Variants in ADD3 observed in about 807,000 individuals in gnomAD.
ADD3 encodes gamma-adducin.
ADD3 carries 25 observed loss-of-function variants against 80.2 expected under a neutral mutation model. That is an observed-to-expected ratio of 0.31 (90% CI 0.23 to 0.44). The LOEUF (loss-of-function observed/expected upper bound fraction) is 0.44, where lower values mean the gene tolerates loss of function less well. Ranked by LOEUF, ADD3 falls within the 20% of genes least tolerant of loss-of-function variation. ADD3 has a pLI of 1.00. For synonymous variants in ADD3, 284 were observed against 289.6 expected (o/e 0.98, Z 0.20); for missense variants, 829 against 847.5 (o/e 0.98, Z 0.27).
chr10:110,015,811 G>C (rs191704376), intron 1 of ADD3, among the ~76,000 whole-genome samples: 33 of 152,184 alleles, frequency 2.2e-4, no homozygotes, highest in African/African-American at 7.9e-4. Flanking sequence ...CTTTGCCATA[G>C]CTAAATACCT....
chr10:110,134,330 CA>C lies in ADD3; in HGVS notation c.*729del, dbSNP rs34106955. 82,179 of 137,332 alleles carry C rather than the reference CA, an allele frequency of 0.6. 25,695 individuals carry two copies. The highest frequency in any genetic ancestry group is 0.85 in the African/African-American group (32,581 of 38,424). 8.5% of individuals were successfully genotyped at this position (137,332 alleles called of 1,614,324 possible). ...CATGGGTTATTTAGTTTAACTCTGGCAAAAAAAAAAAAAAAAATTTTGTATG... is the reference window on the plus strand; with the variant it reads ...CATGGGTTATTTAGTTTAACTCTGGCAAAAAAAAAAAAAAAATTTTGTATG... On this transcript the variant is annotated 3_prime_UTR_variant, in exon 15 of 15. Coordinates refer to ENST00000356080, the MANE Select transcript of ADD3 (RefSeq NM_016824.5).
intron 2 of ADD3, among the ~76,000 whole-genome samples, chr10:110,102,526 G>A (rs999738278): frequency 6.6e-6 from 1 of 152,168 alleles, no homozygotes; most frequent in Non-Finnish European, 1.5e-5. Flanking sequence ...AGGATTACTT[G>A]AGCCCAGTAG....
chr10:110,121,930 T>C (rs1851553191), intron 8 of ADD3, 180 bp from the exon 9 acceptor site: 5 of 467,350 alleles, frequency 1.1e-5, no homozygotes, highest in Non-Finnish European at 1.8e-5. Flanking sequence ...CTTTTTCAGA[T>C]AGGTGGAAAA....
chr10:110,111,978 C>G (rs1020981008), intron 2 of ADD3, among the ~76,000 whole-genome samples: 8 of 152,086 alleles, frequency 5.3e-5, no homozygotes, highest in African/African-American at 1.4e-4. Context: ...GAACTCAACT[C>G]TTATTAATTT....
chr10:110,123,305 A>G (rs753845058), intron 9 of ADD3, among the ~76,000 whole-genome samples: 4 of 152,194 alleles, frequency 2.6e-5, no homozygotes, highest in Non-Finnish European at 5.9e-5. Flanking sequence ...TGTTTTCCAC[A>G]ATGGCTATAC....
chr10:110,082,224 T>C (rs940550655), intron 1 of ADD3, among the ~76,000 whole-genome samples: 1 of 135,516 alleles, frequency 7.4e-6, no homozygotes, highest in Non-Finnish European at 1.5e-5. Flanking sequence ...TTGCTTTGTT[T>C]TGAGTATCAC....
chr10:110,132,656 G>A (rs1040087771), intron 14 of ADD3: 9 of 381,572 alleles, frequency 2.4e-5, no homozygotes, highest in South Asian at 1.1e-4. Context: ...GGCTGGGCGC[G>A]GTGGCTCACA....
chr10:110,026,663 G>C (rs538759547), intron 1 of ADD3, among the ~76,000 whole-genome samples: 1 of 152,094 alleles, frequency 6.6e-6, no homozygotes, highest in African/African-American at 2.4e-5. Flanking sequence ...GTTTTACATT[G>C]GTTTAAACTG....
intron 1 of ADD3, among the ~76,000 whole-genome samples, chr10:110,031,142 C>A (rs905898743): frequency 1.3e-5 from 2 of 152,166 alleles, no homozygotes; most frequent in Admixed American, 6.5e-5. Context: ...GGCGTTGTGG[C>A]GCATGCCTGT....
intron 1 of ADD3, among the ~76,000 whole-genome samples, chr10:110,000,185 G>T (rs1164619714): frequency 6.6e-6 from 1 of 152,198 alleles, no homozygotes; most frequent in Non-Finnish European, 1.5e-5. Context: ...CTCCCAAAGT[G>T]TTGGGATTAT....
chr10:110,128,679 A>G (rs1852516805), intron 12 of ADD3, among the ~76,000 whole-genome samples: 1 of 152,228 alleles, frequency 6.6e-6, no homozygotes, highest in Non-Finnish European at 1.5e-5. Context: ...GGCCTCCCAA[A>G]GTGCTGGGAT....
intron 1 of ADD3, among the ~76,000 whole-genome samples, chr10:110,027,743 A>G (rs1054069153): frequency 6.6e-6 from 1 of 152,282 alleles, no homozygotes; most frequent in East Asian, 1.9e-4. Context: ...ATTTCTTTGT[A>G]TGCTCCCTCT....
intron 1 of ADD3, among the ~76,000 whole-genome samples, chr10:110,045,042 G>A (rs190903051): frequency 9.9e-5 from 15 of 152,246 alleles, no homozygotes; most frequent in East Asian, 3.9e-4. Flanking sequence ...ATACTTTTCC[G>A]AAACACTGGG....
chr10:110,100,692 T>A lies in ADD3; in HGVS notation c.39T>A (p.Pro13=). ...SDASQGVITT[P]PPPSMPHKER... is the part of the protein sequence containing the mutation. ...CCAGCCAAGGCGTGATTACCACTCC[T>A]CCTCCTCCCAGCATGCCTCACAAAG... Residue 13 remains proline, a synonymous_variant, in exon 2 of 15, where the codon CCT becomes CCA. Transcript: ENST00000356080. The A allele has an allele frequency of 6.2e-7, 1 of 1,613,104 alleles. No individual in the cohort carries two copies. The highest frequency in any genetic ancestry group is 8.5e-7 in the Non-Finnish European group (1 of 1,179,616).
In ADD3 at chr10:110,118,519, T is replaced by C. The variant is rs533575752; in HGVS notation, c.568-68T>C. ...TACAAAAAGGTTTGCTACCCCCTGG[T>C]TTAGCTTGTGAAACACAAACTTTGA... On this transcript the variant is annotated intron_variant, in intron 5 of 14. Coordinates refer to ENST00000356080, the MANE Select transcript of ADD3 (RefSeq NM_016824.5). The C allele has an allele frequency of 8.4e-6, 12 of 1,429,050 alleles. No homozygotes were observed. The East Asian group carries it at 2.8e-4, about 33-fold the overall frequency. The allele number at this position is 1,429,050 out of a possible 1,614,324, so 88.5% of individuals were successfully genotyped here.
At chr10:110,113,340 T>C (rs906993016) in intron 3 of ADD3, among the ~76,000 whole-genome samples, 2 of 152,216 alleles carry the variant, frequency 1.3e-5, no homozygotes, top group African/African-American at 4.8e-5. Flanking sequence ...CGATCTCGGC[T>C]CACTGCAACC....
intron 1 of ADD3, among the ~76,000 whole-genome samples, chr10:110,060,522 G>GAATCAAATGCTTGCTCTGTGTTCT (rs1244534184): frequency 6.6e-6 from 1 of 152,186 alleles, no homozygotes. Flanking sequence ...TCTTTATAAA[G>GAATCAAATGCTTGCTCTGTGTTCT]AATCAAATGC....
chr10:110,027,080 A>C (rs1034134963), intron 1 of ADD3, among the ~76,000 whole-genome samples: 1 of 152,234 alleles, frequency 6.6e-6, no homozygotes, highest in African/African-American at 2.4e-5. Context: ...TATGTTCATG[A>C]AAGTATATGA....
At chr10:110,113,255 G>GT (rs1262171219) in intron 3 of ADD3, among the ~76,000 whole-genome samples, 2 of 151,944 alleles carry the variant, frequency 1.3e-5, no homozygotes, top group East Asian at 1.9e-4. Flanking sequence ...CTCTATTTTT[G>GT]TTTTTTTGTT....
Sources: allele counts gnomAD v4.1 joint callset (sites outside exome capture counted in the v4.1 genomes callset), GRCh38; gene constraint gnomAD v4.1.1; transcripts MANE v1.5; gene names NCBI Gene and HGNC (gene_info 2026-07-23, HGNC 2026-07-21).